SLC39A11: variants seen among roughly 807,000 people sequenced by gnomAD.
SLC39A11 encodes the protein solute carrier family 39 member 11.
Under a neutral mutation model 36.1 loss-of-function variants are expected in SLC39A11, and 33 were observed. The ratio of observed to expected loss-of-function variants is 0.91; its 90% CI spans 0.69 to 1.22. The LOEUF is 1.22. Ranked by LOEUF, SLC39A11 falls within the 50% of genes most tolerant of loss-of-function variation. The probability of loss-of-function intolerance (pLI) is 0.00; values close to 1 mark genes in which losing one functional copy is unlikely to be tolerated. For missense variants in SLC39A11, 432 were observed against 430.3 expected (o/e 1.00, Z -0.03); for synonymous variants, 166 against 170.3 (o/e 0.97, Z 0.20).
At chr17:72,952,769 G>T (rs148173377) in intron 4 of SLC39A11, among the ~76,000 whole-genome samples, 26 of 152,254 alleles carry the variant, frequency 1.7e-4, no homozygotes, top group African/African-American at 6.0e-4. Context: ...GTGCGAGCGT[G>T]ATCCTTCTTA....
intron 7 of SLC39A11, among the ~76,000 whole-genome samples, chr17:72,678,944 A>G (rs1028511406): frequency 6.6e-6 from 1 of 152,226 alleles, no homozygotes; most frequent in African/African-American, 2.4e-5. Context: ...TCAGCCATAA[A>G]AAGAATGAGA....
intron 5 of SLC39A11, among the ~76,000 whole-genome samples, chr17:72,888,931 A>G (rs1301575873): frequency 1.3e-5 from 2 of 152,132 alleles, no homozygotes; most frequent in Non-Finnish European, 2.9e-5. Flanking sequence ...AGAAAAAACG[A>G]AAGTGTAGAC....
intron 6 of SLC39A11, among the ~76,000 whole-genome samples, chr17:72,841,716 C>G (rs560373872): frequency 6.6e-6 from 1 of 152,180 alleles, no homozygotes; most frequent in African/African-American, 2.4e-5. Context: ...GTTGGTAACA[C>G]AGAGGATAAA....
chr17:73,027,829 G>A (rs567880550), intron 4 of SLC39A11, among the ~76,000 whole-genome samples: 2 of 152,324 alleles, frequency 1.3e-5, no homozygotes, highest in African/African-American at 4.8e-5. Context: ...TCAGGGCACT[G>A]CTGCAGAATC....
intron 5 of SLC39A11, among the ~76,000 whole-genome samples, chr17:72,883,167 C>G (rs1452761537): frequency 1.3e-5 from 2 of 152,150 alleles, no homozygotes; most frequent in Non-Finnish European, 2.9e-5. Context: ...GCATACTGGC[C>G]TAACATAAGC....
intron 3 of SLC39A11, among the ~76,000 whole-genome samples, chr17:73,057,054 A>G (rs957751980): frequency 6.6e-6 from 1 of 152,028 alleles, no homozygotes; most frequent in African/African-American, 2.4e-5. Flanking sequence ...CTGCCTCCTG[A>G]GCTCAATTGA....
intron 6 of SLC39A11, among the ~76,000 whole-genome samples, chr17:72,845,329 G>T (rs538842011): frequency 6.6e-4 from 101 of 152,326 alleles, no homozygotes; most frequent in Middle Eastern, 3.4e-3. Flanking sequence ...TCTCCCTGCT[G>T]CTCACCCTGC....
At chr17:72,994,294 A>AT (rs2089365129) in intron 4 of SLC39A11, among the ~76,000 whole-genome samples, 1 of 152,242 alleles carries the variant, frequency 6.6e-6, no homozygotes, top group African/African-American at 2.4e-5. Flanking sequence ...TTTTATTCCT[A>AT]TATTTAATGA....
chr17:72,780,453 T>C (rs563216643), intron 6 of SLC39A11, among the ~76,000 whole-genome samples: 11 of 143,920 alleles, frequency 7.6e-5, no homozygotes, highest in Non-Finnish European at 1.6e-4. Flanking sequence ...AAAGAGGCAG[T>C]AGTCAATGTG....
chr17:72,930,279 G>T (rs370227978), intron 5 of SLC39A11, among the ~76,000 whole-genome samples: 1 of 152,054 alleles, frequency 6.6e-6, no homozygotes, highest in Non-Finnish European at 1.5e-5. Flanking sequence ...AGTTCCACCC[G>T]CAAATGCTTT....
At chr17:72,982,089 T>G (rs1483776576) in intron 4 of SLC39A11, among the ~76,000 whole-genome samples, 2 of 152,040 alleles carry the variant, frequency 1.3e-5, no homozygotes, top group African/African-American at 2.4e-5. Flanking sequence ...AAATTTTTTT[T>G]TTTTTTTAAA....
In SLC39A11 at chr17:73,004,204, AAAG is replaced by A. The variant is rs1381527575; in HGVS notation, c.306+27349_306+27351del. Among the ~76,000 whole-genome samples the A allele has an allele frequency of 1.8e-4, 23 of 127,550 alleles. 1 individual carries two copies. Among genetic ancestry groups the A allele is most frequent in the South Asian group, 5.6e-4 (2 of 3,586 alleles). 83.7% of individuals were successfully genotyped at this position (127,550 alleles called of 152,430 possible). ...GAAAGAAAGAAAGAAAGAAAGAAAG[AAAG>A]AAAGAAAGAAAGAAAGAAAGAAAGA... On this transcript the variant is annotated intron_variant, in intron 4 of 9. Coordinates refer to ENST00000255559, the MANE Select transcript of SLC39A11 (RefSeq NM_139177.4).
At chr17:72,668,308 A>G (rs2070848462) in intron 7 of SLC39A11, among the ~76,000 whole-genome samples, 1 of 152,156 alleles carries the variant, frequency 6.6e-6, no homozygotes, top group African/African-American at 2.4e-5. Flanking sequence ...AAAGCAAAAA[A>G]AAAAAAAAAT....
intron 6 of SLC39A11, among the ~76,000 whole-genome samples, chr17:72,743,735 A>C (rs2074815306): frequency 6.6e-6 from 1 of 152,158 alleles, no homozygotes; most frequent in African/African-American, 2.4e-5. Context: ...CAGACGGTAG[A>C]AAGAACTCAC....
At chr17:72,829,522 C>G (rs1428958135) in intron 6 of SLC39A11, among the ~76,000 whole-genome samples, 1 of 152,054 alleles carries the variant, frequency 6.6e-6, no homozygotes, top group African/African-American at 2.4e-5. Flanking sequence ...TCAAGGGCAG[C>G]TGGGCAGAAG....
At chr17:73,042,365 A>T (rs2059137880) in intron 3 of SLC39A11, among the ~76,000 whole-genome samples, 1 of 152,228 alleles carries the variant, frequency 6.6e-6, no homozygotes, top group South Asian at 2.1e-4. Flanking sequence ...GTTCAAAAGA[A>T]CAGCACCCAA....
chr17:72,788,614 T>C (rs1294267197), intron 6 of SLC39A11, among the ~76,000 whole-genome samples: 1 of 152,338 alleles, frequency 6.6e-6, no homozygotes, highest in East Asian at 1.9e-4. Context: ...ATAAGAATAA[T>C]ACACACATAA....
intron 4 of SLC39A11, among the ~76,000 whole-genome samples, chr17:72,999,047 GTGA>G (rs2089675813): frequency 6.6e-6 from 1 of 152,152 alleles, no homozygotes; most frequent in Non-Finnish European, 1.5e-5. Context: ...AATGAAGATG[GTGA>G]TGATTCCAAG....
At chr17:72,719,794 G>A (rs60186466) in intron 7 of SLC39A11, among the ~76,000 whole-genome samples, 20,881 of 152,118 alleles carry the variant, frequency 0.14, 1,539 homozygotes, top group African/African-American at 0.19. Context: ...AATCCCTGTC[G>A]CCAGGGACTT....
Sources: gnomAD v4.1 joint callset for allele counts (sites outside exome capture counted in the v4.1 genomes callset) on GRCh38, gnomAD v4.1.1 for gene constraint, MANE v1.5 for transcripts, NCBI Gene and HGNC (gene_info 2026-07-23, HGNC 2026-07-21) for gene names.